Variants in CCDC28B observed in about 807,000 individuals in gnomAD.
CCDC28B encodes coiled-coil domain containing 28B.
In CCDC28B, 17 loss-of-function variants were observed where a neutral mutation model predicts 18.7. That is an observed-to-expected ratio of 0.91 (90% CI 0.62 to 1.36). CCDC28B has a LOEUF of 1.36. CCDC28B is among the 40% of genes most tolerant of loss of function. The probability of loss-of-function intolerance (pLI) is 0.00; values close to 1 mark genes in which losing one functional copy is unlikely to be tolerated. For synonymous variants in CCDC28B, 116 were observed against 105.1 expected (o/e 1.10, Z -0.64); for missense variants, 213 against 251.7 (o/e 0.85, Z 1.04).
chr1:32,204,939 C>T, intron 5 of CCDC28B: 3 of 1,407,576 alleles, frequency 2.1e-6, no homozygotes, highest in Non-Finnish European at 1.9e-6. Flanking sequence ...ATTTACACTA[C>T]CACCTCACCT....
upstream of CCDC28B, among the ~76,000 whole-genome samples, chr1:32,199,903 G>A (rs1472009011): frequency 3.9e-5 from 6 of 152,188 alleles, no homozygotes; most frequent in African/African-American, 1.4e-4. Flanking sequence ...TCTGGCTGCA[G>A]GCAGCAGCAG....
rs751833095 is a variant in CCDC28B, at chr1:32,204,326, G to A, written c.472G>A (p.Glu158Lys). 2 of 1,609,786 alleles carry A rather than the reference G, an allele frequency of 1.2e-6. No individual in the cohort carries two copies. Among genetic ancestry groups the A allele is most frequent in the African/African-American group, 2.7e-5 (2 of 74,932 alleles). The change falls in exon 4 of 6, where the codon GAG becomes AAG. Residue 158 changes from glutamate (E) to lysine (K), a missense_variant. Coordinates refer to ENST00000373602, the MANE Select transcript of CCDC28B (RefSeq NM_024296.5). ...GGATGGGGTCACTGAGGGGCTGCCA[G>A]AGGAGCAGAAGAAGACAATGGCTGA... Reference protein sequence around the residue: ...EEDGVTEGLPEEQKKTMADRN... With the variant: ...EEDGVTEGLPKEQKKTMADRN...
At chr1:32,204,436 A>G in intron 4 of CCDC28B, 57 bp downstream of exon 4, 4 of 1,527,576 alleles carry the variant, frequency 2.6e-6, no homozygotes, top group Admixed American at 2.1e-5. Flanking sequence ...GAGAAGGTAC[A>G]TACTCCCAAA....
chr1:32,199,373 G>A (rs1643098696), upstream of CCDC28B, among the ~76,000 whole-genome samples: 1 of 152,100 alleles, frequency 6.6e-6, no homozygotes, highest in Non-Finnish European at 1.5e-5. Flanking sequence ...GGGTGTGGGG[G>A]GGGTGCCGCC....
intron 1 of CCDC28B, among the ~76,000 whole-genome samples, 177 bp downstream of exon 1, chr1:32,200,886 C>T (rs1643132660): frequency 1.3e-5 from 2 of 152,180 alleles, no homozygotes; most frequent in South Asian, 2.1e-4. Flanking sequence ...GCTCCGGCTC[C>T]AGTTCTTCTA....
intron 5 of CCDC28B, 65 bp downstream of exon 5, chr1:32,204,685 G>T: frequency 6.2e-7 from 1 of 1,614,064 alleles, no homozygotes; most frequent in Non-Finnish European, 8.5e-7. Context: ...CTCCTCTCCA[G>T]CCCTCCAGGA....
Position 32,202,036 on chromosome 1 carries a change from G to A in CCDC28B, c.101G>A (p.Ser34Asn). ...AGGGTCCCTGTGCCTACCAGCCACA[G>A]CGGCTCCTTGGCCCTAGGACTTCCT... ...LRRVPVPTSH[S>N]GSLALGLPHL... Residue 34 changes from serine to asparagine, a missense_variant, in exon 2 of 6, where the codon AGC becomes AAC. Ser to Asn is a conservative substitution (Grantham distance 46). Transcript: ENST00000373602. 6.2e-7 allele frequency: 1 copy of A among 1,613,990 alleles called. No individual in the cohort carries two copies. Among genetic ancestry groups the A allele is most frequent in the Non-Finnish European group, 8.5e-7 (1 of 1,179,984 alleles).
rs761961073 is a variant in CCDC28B, at chr1:32,202,172, G to T, written c.164+73G>T. The T allele has an allele frequency of 2.5e-6, 4 of 1,579,312 alleles. No homozygotes were observed. The African/African-American group carries it at 5.4e-5, about 21-fold the overall frequency. On this transcript the variant is annotated intron_variant, in intron 2 of 5. Transcript: ENST00000373602. ...GCACTGTAGAGAGGAAGGCAAGGGG[G>T]GCCTCCGCCTTTAGTTCCTAAGCAA... is the stretch of plus-strand genomic sequence containing the variant.
Position 32,203,823 on chromosome 1 carries a change from G to A in CCDC28B, c.165-56G>A, listed in dbSNP as rs6697312. On this transcript the variant is annotated intron_variant, in intron 2 of 5. Transcript: ENST00000373602. ...GCATAGGCAGATGGCACAAAAGATC[G>A]GGAGGTGCCTGACTGCCCCCTACCC... 1,456 of 1,385,864 alleles carry A rather than the reference G, an allele frequency of 1.1e-3. 11 individuals are homozygous for A. The African/African-American group carries it at 0.018, about 17-fold the overall frequency. 85.8% of individuals were successfully genotyped at this position (1,385,864 alleles called of 1,614,324 possible).
chr1:32,202,489 G>A (rs1643168197), intron 2 of CCDC28B: 1 of 368,676 alleles, frequency 2.7e-6, no homozygotes, highest in Non-Finnish European at 5.3e-6. Context: ...AAATACCTGG[G>A]GGCACAATTT....
In CCDC28B at chr1:32,203,349, T is replaced by G. The variant is rs1643200043; in HGVS notation, c.165-530T>G. Among the ~76,000 whole-genome samples the G allele has an allele frequency of 2.0e-5, 3 of 151,456 alleles. No individual in the cohort carries two copies. The South Asian group carries it at 6.2e-4, about 32-fold the overall frequency. On this transcript the variant is annotated intron_variant, in intron 2 of 5. Transcript: ENST00000373602. Reference sequence around the variant, plus strand: ...GGCAGGCGCCCATAATGCCAGCAACTTGGGAGGCTGAGGCAAGAGAATCAC... The same window carrying G: ...GGCAGGCGCCCATAATGCCAGCAACGTGGGAGGCTGAGGCAAGAGAATCAC...
chr1:32,199,888 A>G (rs1643111715), upstream of CCDC28B, among the ~76,000 whole-genome samples: 1 of 152,162 alleles, frequency 6.6e-6, no homozygotes, highest in Non-Finnish European at 1.5e-5. Context: ...AGCTGCCCCC[A>G]TTGATCTGGC....
upstream of CCDC28B, chr1:32,196,213 AGCTTACCT>A (rs1257923783): frequency 3.3e-5 from 5 of 153,646 alleles, no homozygotes; most frequent in Non-Finnish European, 5.8e-5. Flanking sequence ...CTTTGCCACA[AGCTTACCT>A]GTGGGTTTCA....
chr1:32,203,667 A>G (rs888696327), intron 2 of CCDC28B, among the ~76,000 whole-genome samples: 2 of 152,174 alleles, frequency 1.3e-5, no homozygotes, highest in African/African-American at 4.8e-5. Flanking sequence ...TTATTAGCAG[A>G]AAAGACTTCT....
chr1:32,196,137 G>A (rs147957255), upstream of CCDC28B: 85 of 159,688 alleles, frequency 5.3e-4, no homozygotes, highest in Non-Finnish European at 9.7e-4. Flanking sequence ...CCATCTTGAT[G>A]CTGAGGTTTC....
At chr1:32,196,250 C>G (rs1643022376), upstream of CCDC28B, 1 of 152,996 alleles carries the variant, frequency 6.5e-6, no homozygotes. Flanking sequence ...AGGCCACCAC[C>G]AGTTCCCATC....
At position 32,204,020 on chromosome 1, in the gene CCDC28B, C is replaced by A; in HGVS notation, c.306C>A (p.Phe102Leu). ...EGGLLNLLNDFHSGRLQAFGK... is the reference protein window; with the variant it reads ...EGGLLNLLNDLHSGRLQAFGK... The stretch of plus-strand genomic sequence containing the variant: ...GACTCCTGAACCTGCTCAATGATTT[C>A]CACTCTGGCCGGCTGCAGGCCTTCG... Residue 102 changes from phenylalanine to leucine, a missense_variant, in exon 3 of 6, where the codon TTC (phenylalanine) becomes TTA (leucine). Coordinates refer to ENST00000373602, the MANE Select transcript of CCDC28B (RefSeq NM_024296.5). 6.4e-7 allele frequency: 1 copy of A among 1,555,570 alleles called. No individual in the cohort carries two copies. The highest frequency in any genetic ancestry group is 1.4e-5 in the African/African-American group (1 of 73,074).
At chr1:32,196,473 T>C (rs1358092089), upstream of CCDC28B, 1 of 152,214 alleles carries the variant, frequency 6.6e-6, no homozygotes, top group Non-Finnish European at 1.5e-5. Flanking sequence ...GAAATGAAAT[T>C]GAACTATTGA....
chr1:32,204,600 G>A lies in CCDC28B; in HGVS notation c.528G>A (p.Leu176=). 1.3e-6 allele frequency: 2 copies of A among 1,571,378 alleles called. No homozygotes were observed. Among genetic ancestry groups the A allele is most frequent in the Non-Finnish European group, 1.7e-6 (2 of 1,159,714 alleles). ...TCCCTTTTTCTCTTTGTTGGCAGCT[G>A]GAAGACCTCAGTAATTCTATGTATC... ...DRNLDQLLSN[L]EDLSNSIQKL... is the part of the protein sequence containing the mutation. Residue 176 remains leucine, a splice_region_variant and synonymous_variant, in exon 5 of 6, where the codon CTG becomes CTA. Coordinates refer to ENST00000373602, the MANE Select transcript of CCDC28B (RefSeq NM_024296.5).
Sources: gnomAD v4.1 joint callset for allele counts (sites outside exome capture counted in the v4.1 genomes callset) on GRCh38, gnomAD v4.1.1 for gene constraint, MANE v1.5 for transcripts, NCBI Gene and HGNC (gene_info 2026-07-23, HGNC 2026-07-21) for gene names.